The following KIF13B variants were observed in gnomAD, a reference collection of about 807,000 sequenced individuals.
KIF13B encodes the protein kinesin-like protein KIF13B.
Under a neutral mutation model 222.0 loss-of-function variants are expected in KIF13B, and 127 were observed. The observed-to-expected ratio is 0.57, with a 90% CI of 0.50 to 0.66. The LOEUF (loss-of-function observed/expected upper bound fraction) is 0.66, where lower values mean the gene tolerates loss of function less well. Among genes scored for constraint, KIF13B ranks in the 30% least tolerant of loss-of-function variants. KIF13B has a pLI of 0.00. For synonymous variants in KIF13B, 976 were observed against 919.0 expected, an observed-to-expected ratio of 1.06 and a Z score of -1.12; for missense variants, 2,173 against 2,379.0, an observed-to-expected ratio of 0.91 and a Z score of 1.80.
At chr8:29,072,514 G>A (rs1424291084) in intron 38 of KIF13B, among the ~76,000 whole-genome samples, 198 bp from the exon 39 acceptor site, 4 of 152,268 alleles carry the variant, frequency 2.6e-5, no homozygotes, top group East Asian at 3.9e-4. Context: ...GTGAGACCCC[G>A]TTTCGACAAA....
chr8:29,125,525 T>C (rs746283051), intron 26 of KIF13B, among the ~76,000 whole-genome samples: 2 of 152,176 alleles, frequency 1.3e-5, no homozygotes, highest in African/African-American at 4.8e-5. Context: ...TGTTGTGCCA[T>C]AGGACTCTGT....
intron 2 of KIF13B, among the ~76,000 whole-genome samples, chr8:29,197,064 G>T (rs1813455912): frequency 6.6e-6 from 1 of 152,040 alleles, no homozygotes; most frequent in East Asian, 1.9e-4. Context: ...ATGGCCGGGC[G>T]CGGTGGCTCA....
At chr8:29,115,537 G>A (rs1271362706) in intron 31 of KIF13B, among the ~76,000 whole-genome samples, 1 of 152,032 alleles carries the variant, frequency 6.6e-6, no homozygotes, top group East Asian at 1.9e-4. Context: ...TGTTGGTCAG[G>A]CTGGTCTCAA....
At chr8:29,102,534 C>T (rs889210132) in intron 35 of KIF13B, among the ~76,000 whole-genome samples, 3 of 152,170 alleles carry the variant, frequency 2.0e-5, no homozygotes, top group Non-Finnish European at 1.5e-5. Flanking sequence ...GCCGGAGGCT[C>T]CGGGGAGGGC....
intron 37 of KIF13B, among the ~76,000 whole-genome samples, chr8:29,076,521 C>T (rs895504490): frequency 1.3e-5 from 2 of 152,196 alleles, no homozygotes; most frequent in Non-Finnish European, 2.9e-5. Flanking sequence ...CCTGCAGGCG[C>T]GAGCCACACC....
intron 37 of KIF13B, among the ~76,000 whole-genome samples, chr8:29,081,711 C>T (rs943348940): frequency 2.0e-5 from 3 of 152,176 alleles, no homozygotes; most frequent in Non-Finnish European, 2.9e-5. Flanking sequence ...CTTCCTTAAA[C>T]GTGGCTACTA....
Position 29,124,007 on chromosome 8 carries a change from CTATT to C in KIF13B, c.3352+13_3352+16del. On this transcript the variant is annotated intron_variant, in intron 27 of 39. Transcript: ENST00000524189. ...TTGATTTGCAGGGGAGAAAAATATT[CTATT>C]TGTTTTTCCTACCACGTTTACTGAC... is the stretch of plus-strand genomic sequence containing the variant. 1 of 1,495,166 alleles carries C rather than the reference CTATT, an allele frequency of 6.7e-7. No homozygotes were observed. The highest frequency in any genetic ancestry group is 1.1e-5 in the South Asian group (1 of 87,220). 92.6% of individuals were successfully genotyped at this position (1,495,166 alleles called of 1,614,324 possible).
At chr8:29,132,618 G>A (rs139300396) in intron 22 of KIF13B, among the ~76,000 whole-genome samples, 153 bp from the exon 23 acceptor site, 2 of 152,128 alleles carry the variant, frequency 1.3e-5, no homozygotes, top group Non-Finnish European at 2.9e-5. Flanking sequence ...AACCCATAAT[G>A]AATGCTCAGA....
intron 5 of KIF13B, among the ~76,000 whole-genome samples, chr8:29,188,263 T>C (rs184210770): frequency 6.6e-6 from 1 of 152,378 alleles, no homozygotes; most frequent in Non-Finnish European, 1.5e-5. Context: ...TCAACAGTCA[T>C]AGCTCTGTAT....
chr8:29,097,002 C>T (rs1464891004), intron 36 of KIF13B, among the ~76,000 whole-genome samples: 2 of 151,828 alleles, frequency 1.3e-5, no homozygotes, highest in South Asian at 2.1e-4. Context: ...TGAAGCATGC[C>T]GATTGAAGGG....
intron 35 of KIF13B, among the ~76,000 whole-genome samples, chr8:29,104,974 T>C (rs955491535): frequency 6.6e-6 from 1 of 151,298 alleles, no homozygotes; most frequent in Non-Finnish European, 1.5e-5. Flanking sequence ...TTTTTTCCTT[T>C]TTTTTTTTGG....
intron 37 of KIF13B, among the ~76,000 whole-genome samples, chr8:29,080,145 C>T (rs1209055640): frequency 6.6e-6 from 1 of 151,956 alleles, no homozygotes; most frequent in East Asian, 1.9e-4. Flanking sequence ...AGTTCGAGAC[C>T]AGCCTGGAAA....
rs1034761689 is a variant in KIF13B, at chr8:29,195,288, C to T, written c.162+899G>A. 6.6e-5 allele frequency among the ~76,000 whole-genome samples: 10 copies of T among 152,094 alleles called. No individual in the cohort carries two copies. The East Asian group carries it at 1.9e-3, about 29-fold the overall frequency. On this transcript the variant is annotated intron_variant, in intron 3 of 39. Coordinates refer to ENST00000524189, the MANE Select transcript of KIF13B (RefSeq NM_015254.4). ...ATAAGAAAACGAAAATAATCCAGCA[C>T]CTTTTCAGTAGAAAAGATGAGAGAA... is the stretch of plus-strand genomic sequence containing the variant.
chr8:29,099,051 G>A lies in KIF13B; in HGVS notation c.4324+82C>T, dbSNP rs1194349883. The A allele has an allele frequency of 4.7e-6, 5 of 1,072,436 alleles. No individual in the cohort carries two copies. In the African/African-American group the frequency reaches 6.2e-5, roughly 13 times the overall value. 66.4% of individuals were successfully genotyped at this position (1,072,436 alleles called of 1,614,324 possible). ...GACATTATCTAGCAGAACAGTGGCT[G>A]CCTGGCAGGAAATTCTAATTTAAAC... On this transcript the variant is annotated intron_variant, in intron 36 of 39. Transcript: ENST00000524189.
At chr8:29,126,692 G>T (rs919297125) in intron 25 of KIF13B, among the ~76,000 whole-genome samples, 181 bp from the exon 26 acceptor site, 3 of 152,116 alleles carry the variant, frequency 2.0e-5, no homozygotes, top group African/African-American at 7.2e-5. Context: ...AGTTGGAGCC[G>T]CTCACAGAAG....
At chr8:29,101,518 G>A (rs1015404188) in intron 35 of KIF13B, among the ~76,000 whole-genome samples, 20 of 152,160 alleles carry the variant, frequency 1.3e-4, no homozygotes, top group Non-Finnish European at 2.8e-4. Flanking sequence ...GGCCCCGATG[G>A]CTTCAGGGGC....
Position 29,127,228 on chromosome 8 carries a change from T to C in KIF13B, c.3116A>G (p.Gln1039Arg). 1 of 1,613,978 alleles carries C rather than the reference T, an allele frequency of 6.2e-7. No individual in the cohort carries two copies. The highest frequency in any genetic ancestry group is 8.5e-7 in the Non-Finnish European group (1 of 1,179,840). The change falls in exon 25 of 40, where the codon CAG (glutamine) becomes CGG (arginine). Residue 1039 changes from glutamine (Q) to arginine (R), a missense_variant. Around this residue, in one of 2 missense-constraint regions of KIF13B, gnomAD observed 1,480 missense variants for 1,722.8 expected, o/e 0.86. Coordinates refer to ENST00000524189, the MANE Select transcript of KIF13B (RefSeq NM_015254.4). ...RRVQVEVKSV[Q>R]ESGTLPLMEE... is the part of the protein sequence containing the mutation. ...CATCAGTGGTAAAGTCCCAGATTCC[T>C]GCACTGACTTCACTTCGACTTGAAC...
intron 2 of KIF13B, among the ~76,000 whole-genome samples, chr8:29,232,807 TCCATAGCAC>T (rs1815344817): frequency 6.6e-6 from 1 of 152,098 alleles, no homozygotes; most frequent in Non-Finnish European, 1.5e-5. Context: ...ACACAGAGAC[TCCATAGCAC>T]CCATACCACT....
At chr8:29,241,850 A>C (rs768714093) in intron 2 of KIF13B, among the ~76,000 whole-genome samples, 2 of 152,202 alleles carry the variant, frequency 1.3e-5, no homozygotes, top group Non-Finnish European at 2.9e-5. Flanking sequence ...ATTGAGACAA[A>C]ATATTTTTTT....
Sources: gnomAD v4.1 joint callset for allele counts (sites outside exome capture counted in the v4.1 genomes callset) on GRCh38, gnomAD v4.1.1 for gene constraint, gnomAD v4.1.1 regional missense constraint, MANE v1.5 for transcripts, NCBI Gene and HGNC (gene_info 2026-07-23, HGNC 2026-07-21) for gene names.